Variants in ST6GALNAC3 observed in about 807,000 individuals in gnomAD.
ST6GALNAC3 encodes alpha-N-acetylgalactosaminide alpha-2,6-sialyltransferase 3.
Under a neutral mutation model 32.7 loss-of-function variants are expected in ST6GALNAC3, and 25 were observed. The ratio of observed to expected loss-of-function variants is 0.76; its 90% CI spans 0.56 to 1.07. ST6GALNAC3 has a LOEUF of 1.07. Ranked by LOEUF, ST6GALNAC3 falls within the 50% of genes least tolerant of loss-of-function variation. The pLI, the probability that ST6GALNAC3 is intolerant of heterozygous loss-of-function variation, is 0.00. For missense variants in ST6GALNAC3, 355 were observed against 382.4 expected, an observed-to-expected ratio of 0.93 and a Z score of 0.60; for synonymous variants, 129 against 133.1, an observed-to-expected ratio of 0.97 and a Z score of 0.21.
At chr1:76,160,172 A>G (rs1651721659) in intron 1 of ST6GALNAC3, among the ~76,000 whole-genome samples, 1 of 152,160 alleles carries the variant, frequency 6.6e-6, no homozygotes, top group African/African-American at 2.4e-5. Flanking sequence ...AGATGGATGA[A>G]AATATATAAT....
chr1:76,248,941 C>T (rs1384865565), intron 1 of ST6GALNAC3, among the ~76,000 whole-genome samples: 1 of 152,032 alleles, frequency 6.6e-6, no homozygotes, highest in East Asian at 1.9e-4. Context: ...CTCAAAGTAC[C>T]GATTTACCTT....
intron 2 of ST6GALNAC3, among the ~76,000 whole-genome samples, chr1:76,398,244 A>G (rs1653134839): frequency 6.6e-6 from 1 of 152,216 alleles, no homozygotes; most frequent in African/African-American, 2.4e-5. Flanking sequence ...ATGGGCTTTT[A>G]TAACCTTTAC....
chr1:76,292,878 AATCTACCTCCTTGAACTTCC>A (rs1342622600), intron 1 of ST6GALNAC3, among the ~76,000 whole-genome samples: 2 of 152,148 alleles, frequency 1.3e-5, no homozygotes, highest in Non-Finnish European at 2.9e-5. Context: ...ATGAAGTCAA[AATCTACCTCCTTGAACTTCC>A]ATTTGGTGGA....
intron 3 of ST6GALNAC3, among the ~76,000 whole-genome samples, chr1:76,427,723 A>G (rs1655491550): frequency 6.6e-6 from 1 of 152,224 alleles, no homozygotes; most frequent in African/African-American, 2.4e-5. Context: ...TTAAGTGCAC[A>G]TTGCCAGGAA....
intron 1 of ST6GALNAC3, among the ~76,000 whole-genome samples, chr1:76,242,453 T>A (rs889207527): frequency 3.9e-5 from 6 of 152,152 alleles, no homozygotes; most frequent in Middle Eastern, 3.4e-3. Context: ...TTTAAAAAAA[T>A]TTACTTTAAG....
chr1:76,183,448 T>C (rs561152226), intron 1 of ST6GALNAC3, among the ~76,000 whole-genome samples: 2 of 152,234 alleles, frequency 1.3e-5, no homozygotes, highest in South Asian at 4.1e-4. Context: ...ATATATGTTA[T>C]TGAAACATAT....
chr1:76,120,366 G>A (rs889616762), intron 1 of ST6GALNAC3, among the ~76,000 whole-genome samples: 3 of 152,166 alleles, frequency 2.0e-5, no homozygotes, highest in African/African-American at 7.2e-5. Context: ...CAGTTGATGG[G>A]ATATGATGAG....
intron 1 of ST6GALNAC3, among the ~76,000 whole-genome samples, chr1:76,127,528 T>A (rs1242026281): frequency 6.6e-6 from 1 of 152,226 alleles, no homozygotes; most frequent in African/African-American, 2.4e-5. Context: ...AATTCTTCTA[T>A]TTTACCATGC....
chr1:76,519,767 A>G (rs1662398078), intron 3 of ST6GALNAC3, among the ~76,000 whole-genome samples: 1 of 151,654 alleles, frequency 6.6e-6, no homozygotes, highest in East Asian at 1.9e-4. Context: ...TATTCTGCTG[A>G]TTTATTAAGT....
chr1:76,410,904 G>A (rs1319837957), intron 2 of ST6GALNAC3, among the ~76,000 whole-genome samples: 3 of 152,006 alleles, frequency 2.0e-5, no homozygotes, highest in Non-Finnish European at 4.4e-5. Context: ...CTGTCTAGTG[G>A]ACAGACATAA....
At chr1:76,545,983 A>C (rs1006148076) in intron 3 of ST6GALNAC3, among the ~76,000 whole-genome samples, 1 of 152,118 alleles carries the variant, frequency 6.6e-6, no homozygotes, top group African/African-American at 2.4e-5. Context: ...CAGATGAAAA[A>C]ACTGAGGTTG....
At chr1:76,300,014 A>T (rs180758444) in intron 1 of ST6GALNAC3, among the ~76,000 whole-genome samples, 7 of 152,146 alleles carry the variant, frequency 4.6e-5, no homozygotes, top group Non-Finnish European at 7.4e-5. Flanking sequence ...ATGTTTGACC[A>T]TGTGCGCTAA....
At chr1:76,476,772 T>C (rs1659383232) in intron 3 of ST6GALNAC3, among the ~76,000 whole-genome samples, 1 of 152,190 alleles carries the variant, frequency 6.6e-6, no homozygotes, top group South Asian at 2.1e-4. Context: ...TGTGCTGCCC[T>C]TTATGAAAAT....
At chr1:76,367,402 G>A (rs1650459348) in intron 2 of ST6GALNAC3, among the ~76,000 whole-genome samples, 2 of 152,078 alleles carry the variant, frequency 1.3e-5, no homozygotes, top group Admixed American at 1.3e-4. Context: ...TAGGGGAACA[G>A]GAAGTAGTGA....
At position 76,313,809 on chromosome 1, in the gene ST6GALNAC3, A is replaced by G. The variant is rs779661360; in HGVS notation, c.23A>G (p.Lys8Arg). MACILKRKSVIAVSFIAA... is the reference protein window; with the variant it reads MACILKRRSVIAVSFIAA... The stretch of plus-strand genomic sequence containing the variant: ...TGTTTTTTTAATGTTTTGTAGAGAA[A>G]GTCTGTGATTGCTGTGAGCTTCATA... Residue 8 changes from lysine to arginine, a missense_variant, in exon 2 of 5, where the codon AAG (lysine) becomes AGG (arginine). Transcript: ENST00000328299. 8 of 1,612,612 alleles carry G rather than the reference A, an allele frequency of 5.0e-6. No individual in the cohort carries two copies. In the Admixed American group the frequency reaches 6.7e-5, roughly 13 times the overall value.
intron 3 of ST6GALNAC3, among the ~76,000 whole-genome samples, chr1:76,436,194 A>G (rs923061836): frequency 6.6e-6 from 1 of 152,152 alleles, no homozygotes; most frequent in Non-Finnish European, 1.5e-5. Flanking sequence ...TGTGTGTGTC[A>G]GTTTGCAATT....
intron 1 of ST6GALNAC3, among the ~76,000 whole-genome samples, chr1:76,260,023 G>A (rs958510813): frequency 1.3e-5 from 2 of 151,846 alleles, no homozygotes; most frequent in Admixed American, 6.6e-5. Context: ...TCTGACTGAA[G>A]CATGGAATAA....
chr1:76,268,323 C>T (rs1238704878), intron 1 of ST6GALNAC3, among the ~76,000 whole-genome samples: 1 of 152,162 alleles, frequency 6.6e-6, no homozygotes, highest in Non-Finnish European at 1.5e-5. Flanking sequence ...GTGAGATTGT[C>T]CAGTAAGTAG....
chr1:76,434,784 GTTTTTTTTTTTT>G (rs1211703628), intron 3 of ST6GALNAC3, among the ~76,000 whole-genome samples: 1 of 72,204 alleles, frequency 1.4e-5, no homozygotes, highest in Non-Finnish European at 2.5e-5. Flanking sequence ...TTTTTTCTCT[GTTTTTTTTTTTT>G]TTTTTTTTTT....
Sources: allele counts gnomAD v4.1 joint callset (sites outside exome capture counted in the v4.1 genomes callset), GRCh38; gene constraint gnomAD v4.1.1; transcripts MANE v1.5; gene names NCBI Gene and HGNC (gene_info 2026-07-23, HGNC 2026-07-21).